EDC4: variants seen among roughly 807,000 people sequenced by gnomAD.
EDC4 encodes enhancer of mRNA decapping 4, also known as enhancer of mRNA-decapping protein 4.
A neutral mutation model predicts 155.8 loss-of-function variants in EDC4; 64 were observed. The ratio of observed to expected loss-of-function variants is 0.41; its 90% confidence interval spans 0.34 to 0.51. The LOEUF (loss-of-function observed/expected upper bound fraction) is 0.51, where lower values mean the gene tolerates loss of function less well. Among genes scored for constraint, EDC4 ranks in the 20% least tolerant of loss-of-function variants. The pLI is 0.19. For synonymous variants in EDC4, 684 were observed against 716.8 expected (o/e 0.95, Z 0.73); for missense variants, 1,303 against 1,812.5 (o/e 0.72, Z 5.10).
rs1375352437 is a variant in EDC4, at chr16:67,882,449, C to T, written c.3297C>T (p.Ala1099=). ...LKSKNLTDAI[A]RAAADTLQGP... ...CCCAGAACTTGACTGATGCCATCGCCCGAGCAGCTGCAGACACATTACAAG... is the reference window on the plus strand; with the variant it reads ...CCCAGAACTTGACTGATGCCATCGCTCGAGCAGCTGCAGACACATTACAAG... The change falls in exon 25 of 29, where the codon GCC becomes GCT. Residue 1099 remains alanine, a synonymous_variant. Transcript: ENST00000358933. This position sits in a 1 kb window ranked among gnomAD's most constrained non-coding sequence, Gnocchi z 7.2. 6.2e-7 allele frequency: 1 copy of T among 1,613,860 alleles called. No individual in the cohort carries two copies. The highest frequency in any genetic ancestry group is 1.3e-5 in the African/African-American group (1 of 75,040).
In EDC4 at chr16:67,882,662, C is replaced by T. The variant is rs376201219; in HGVS notation, c.3443-17C>T. The T allele has an allele frequency of 2.7e-5, 43 of 1,614,216 alleles. No individual in the cohort carries two copies. The African/African-American group carries it at 4.7e-4, about 18-fold the overall frequency. On this transcript the variant is annotated splice_polypyrimidine_tract_variant and intron_variant, in intron 25 of 28. Transcript: ENST00000358933. This position sits in a 1 kb window ranked among gnomAD's most constrained non-coding sequence, Gnocchi z 7.2. ...TTTCCTACTGTTCCTCTTATAGTCCCTGTGGTCACCCCTCAGACTTGCAGC... is the reference window on the plus strand; with the variant it reads ...TTTCCTACTGTTCCTCTTATAGTCCTTGTGGTCACCCCTCAGACTTGCAGC...
At position 67,877,016 on chromosome 16, in the gene EDC4, C is replaced by T. The variant is rs761825408; in HGVS notation, c.451+44C>T. The T allele has an allele frequency of 2.5e-6, 4 of 1,606,814 alleles. No homozygotes were observed. Among genetic ancestry groups the T allele is most frequent in the Non-Finnish European group, 3.4e-6 (4 of 1,176,048 alleles). ...GAGGAAGGAATGTTCTGCTGGATGT[C>T]CCACAGAGCCAGTTCCAACATCAGG... On this transcript the variant is annotated intron_variant, in intron 4 of 28. Coordinates refer to ENST00000358933, the MANE Select transcript of EDC4 (RefSeq NM_014329.5). This position sits in a 1 kb window ranked among gnomAD's most constrained non-coding sequence, Gnocchi z 4.9.
In EDC4 at chr16:67,881,396, G is replaced by C. The variant is rs1251949018; in HGVS notation, c.2768G>C (p.Arg923Thr). 1.2e-6 allele frequency: 2 copies of C among 1,614,160 alleles called. No individual in the cohort carries two copies. Reference sequence around the variant, plus strand: ...CCTCGAACCTCACCCAAGCTCAAGAGGAAAAGCAAGAAGGATGATGGGTAG... The same window carrying C: ...CCTCGAACCTCACCCAAGCTCAAGACGAAAAGCAAGAAGGATGATGGGTAG... ...GSPRTSPKLK[R>T]KSKKDDGDAA... The change falls in exon 20 of 29, where the codon AGG (arginine) becomes ACG (threonine). Residue 923 changes from arginine to threonine, a missense_variant. Transcript: ENST00000358933. This position sits in a 1 kb window ranked among gnomAD's most constrained non-coding sequence, Gnocchi z 5.4.
chr16:67,881,936 T>G lies in EDC4; in HGVS notation c.3005-18T>G, dbSNP rs1172509588. 1 of 1,604,502 alleles carries G rather than the reference T, an allele frequency of 6.2e-7. No homozygotes were observed. Among genetic ancestry groups the G allele is most frequent in the Non-Finnish European group, 8.5e-7 (1 of 1,173,718 alleles). Reference sequence around the variant, plus strand: ...AGTACACGACCTGCTCCAGGCCCGTTCCTTAGCTATGGCGCAGAGCGGCGG... The same window carrying G: ...AGTACACGACCTGCTCCAGGCCCGTGCCTTAGCTATGGCGCAGAGCGGCGG... On this transcript the variant is annotated intron_variant, in intron 22 of 28. Coordinates refer to ENST00000358933, the MANE Select transcript of EDC4 (RefSeq NM_014329.5). This position sits in a 1 kb window ranked among gnomAD's most constrained non-coding sequence, Gnocchi z 5.4.
rs529141006 is a variant in EDC4 at position 67,884,306 on chromosome 16, G to A, written c.*158G>A. 59 of 697,070 alleles carry A rather than the reference G, an allele frequency of 8.5e-5. No individual in the cohort carries two copies. Among genetic ancestry groups the A allele is most frequent in the Middle Eastern group, 4.1e-4 (1 of 2,462 alleles). 43.2% of individuals were successfully genotyped at this position (697,070 alleles called of 1,614,324 possible). On this transcript the variant is annotated 3_prime_UTR_variant, in exon 29 of 29. Coordinates refer to ENST00000358933, the MANE Select transcript of EDC4 (RefSeq NM_014329.5). This position sits in a 1 kb window ranked among gnomAD's most constrained non-coding sequence, Gnocchi z 4.1. Reference sequence around the variant, plus strand: ...GGGAGCACTGGCCGTGGTCTACAGCGTGTGGTAGTCAGAAGGTTTAGCTGG... The same window carrying A: ...GGGAGCACTGGCCGTGGTCTACAGCATGTGGTAGTCAGAAGGTTTAGCTGG...
Position 67,878,640 on chromosome 16 carries a change from T to G in EDC4, c.1184+9T>G. 1 of 1,614,160 alleles carries G rather than the reference T, an allele frequency of 6.2e-7. No individual in the cohort carries two copies. The highest frequency in any genetic ancestry group is 8.5e-7 in the Non-Finnish European group (1 of 1,180,024). On this transcript the variant is annotated intron_variant, in intron 10 of 28. Coordinates refer to ENST00000358933, the MANE Select transcript of EDC4 (RefSeq NM_014329.5). This position sits in a 1 kb window ranked among gnomAD's most constrained non-coding sequence, Gnocchi z 5.2. ...TGCCTGCAGACTATTCGGTAAGCAG[T>G]GGCTGGAAGGCTGGGGGACTGGGCA...
rs2058058230 is a variant in EDC4, at chr16:67,879,893, G to A, written c.1865G>A (p.Ser622Asn). 6.2e-7 allele frequency: 1 copy of A among 1,611,802 alleles called. No homozygotes were observed. The highest frequency in any genetic ancestry group is 1.7e-5 in the Admixed American group (1 of 59,942). ...AGCAGCAGCAGCGGTAGCAGCAGCA[G>A]CAGCAGCAGTAGCAGCAGCTCCCTT... Reference protein sequence around the residue: ...PSSSSSGSSSSSSSSSSSLTA... With the variant: ...PSSSSSGSSSNSSSSSSSLTA... Residue 622 changes from serine to asparagine, a missense_variant, in exon 16 of 29, where the codon AGC (serine) becomes AAC (asparagine). Transcript: ENST00000358933. The surrounding 1 kb of genome is among the most constrained non-coding windows in gnomAD (Gnocchi z 6.0).
At position 67,879,345 on chromosome 16, in the gene EDC4, G is replaced by A. The variant is rs374653491; in HGVS notation, c.1541+36G>A. On this transcript the variant is annotated intron_variant, in intron 13 of 28. Transcript: ENST00000358933. The surrounding 1 kb of genome is among the most constrained non-coding windows in gnomAD (Gnocchi z 6.0). The stretch of plus-strand genomic sequence containing the variant: ...GGGGAGGCCCGCCAGTGTCCTGTCT[G>A]TGTCTGTCTCCACTCTACTGACCCT... 107 of 1,614,102 alleles carry A rather than the reference G, an allele frequency of 6.6e-5. No homozygotes were observed. Among genetic ancestry groups the A allele is most frequent in the Non-Finnish European group, 8.4e-5 (99 of 1,180,054 alleles).
Position 67,876,165 on chromosome 16 carries a change from A to G in EDC4, c.239+64A>G. ...TTTGGGGTGTCTGCTAGCTGAAGGCATGAGATGGGGAGTGAGCGGGGCCAG... is the reference window on the plus strand; with the variant it reads ...TTTGGGGTGTCTGCTAGCTGAAGGCGTGAGATGGGGAGTGAGCGGGGCCAG... On this transcript the variant is annotated intron_variant, in intron 2 of 28. Transcript: ENST00000358933. This position sits in a 1 kb window ranked among gnomAD's most constrained non-coding sequence, Gnocchi z 5.8. 4 of 1,545,816 alleles carry G rather than the reference A, an allele frequency of 2.6e-6. No homozygotes were observed. Among genetic ancestry groups the G allele is most frequent in the South Asian group, 2.3e-5 (2 of 87,148 alleles).
chr16:67,880,129 T>C lies in EDC4; in HGVS notation c.2010T>C (p.Ser670=), dbSNP rs758792568. The change falls in exon 17 of 29, where the codon AGT becomes AGC. Residue 670 remains serine, a synonymous_variant. Coordinates refer to ENST00000358933, the MANE Select transcript of EDC4 (RefSeq NM_014329.5). The surrounding 1 kb of genome is among the most constrained non-coding windows in gnomAD (Gnocchi z 5.2). The part of the protein sequence containing the change: ...QLDGSLTMSS[S]GSLQASPRGL... ...ATGGCAGCCTGACAATGAGCAGCAGTGGCAGCCTTCAGGCAAGCCCGCGTG... is the reference window on the plus strand; with the variant it reads ...ATGGCAGCCTGACAATGAGCAGCAGCGGCAGCCTTCAGGCAAGCCCGCGTG... The C allele has an allele frequency of 3.1e-6, 5 of 1,612,912 alleles. No individual in the cohort carries two copies. In the African/African-American group the frequency reaches 6.7e-5, roughly 22 times the overall value.
rs368372680 is a variant in EDC4, at chr16:67,882,624, A to G, written c.3442+30A>G. 1.2e-6 allele frequency: 2 copies of G among 1,614,158 alleles called. No individual in the cohort carries two copies. The highest frequency in any genetic ancestry group is 1.7e-5 in the Admixed American group (1 of 60,014). ...GTGGGGTCATATGGCCCAAGGTGGG[A>G]GGGGTTATCCTCTTTCCTACTGTTC... On this transcript the variant is annotated intron_variant, in intron 25 of 28. Transcript: ENST00000358933. This position sits in a 1 kb window ranked among gnomAD's most constrained non-coding sequence, Gnocchi z 7.2.
rs2058075057 is a variant in EDC4 at position 67,882,881 on chromosome 16, A to G, written c.3629+16A>G. 1.2e-6 allele frequency: 2 copies of G among 1,614,176 alleles called. No individual in the cohort carries two copies. The highest frequency in any genetic ancestry group is 2.7e-5 in the African/African-American group (2 of 75,070). ...CTGTGGGCAGGTGTGTGGGCAGAGT[A>G]CTGGGCAAGGTGGTGGGCTTGAGAA... On this transcript the variant is annotated intron_variant, in intron 26 of 28. Coordinates refer to ENST00000358933, the MANE Select transcript of EDC4 (RefSeq NM_014329.5). The surrounding 1 kb of genome is among the most constrained non-coding windows in gnomAD (Gnocchi z 7.2).
At position 67,876,990 on chromosome 16, in the gene EDC4, G is replaced by A. The variant is rs1400549579; in HGVS notation, c.451+18G>A. On this transcript the variant is annotated intron_variant, in intron 4 of 28. Coordinates refer to ENST00000358933, the MANE Select transcript of EDC4 (RefSeq NM_014329.5). The surrounding 1 kb of genome is among the most constrained non-coding windows in gnomAD (Gnocchi z 5.8). ...CATTCGGGGTGAGTAAAGACAGTGA[G>A]GAGGAAGGAATGTTCTGCTGGATGT... 5 of 1,613,002 alleles carry A rather than the reference G, an allele frequency of 3.1e-6. No homozygotes were observed. Among genetic ancestry groups the A allele is most frequent in the Non-Finnish European group, 3.4e-6 (4 of 1,179,406 alleles).
At position 67,880,368 on chromosome 16, in the gene EDC4, C is replaced by T. The variant is rs1479069140; in HGVS notation, c.2097+152C>T. 5.1e-6 allele frequency: 7 copies of T among 1,366,810 alleles called. No individual in the cohort carries two copies. The highest frequency in any genetic ancestry group is 6.9e-6 in the Non-Finnish European group (7 of 1,014,978). The allele number at this position is 1,366,810 out of a possible 1,614,324, so 84.7% of individuals were successfully genotyped here. A position where few individuals can be genotyped will look rare whatever the true frequency, so the allele number is the denominator to read the frequency against. ...GAGGTCATTTCACCCTCCTGTGTTT[C>T]CTGGTGGGTGTCTCCTCAGCCTCCC... is the stretch of plus-strand genomic sequence containing the variant. On this transcript the variant is annotated intron_variant, in intron 17 of 28. Transcript: ENST00000358933. This position sits in a 1 kb window ranked among gnomAD's most constrained non-coding sequence, Gnocchi z 5.2.
In EDC4 at chr16:67,877,721, C is replaced by A; in HGVS notation, c.790-20C>A. On this transcript the variant is annotated intron_variant, in intron 6 of 28. Coordinates refer to ENST00000358933, the MANE Select transcript of EDC4 (RefSeq NM_014329.5). This position sits in a 1 kb window ranked among gnomAD's most constrained non-coding sequence, Gnocchi z 4.9. ...ATAGTGTGGGGTTGGGCTGCACACT[C>A]ACCTCCCTGTGCCTTCCAGGCTGAG... 1 of 1,614,148 alleles carries A rather than the reference C, an allele frequency of 6.2e-7. No individual in the cohort carries two copies. The highest frequency in any genetic ancestry group is 1.1e-5 in the South Asian group (1 of 91,088).
Position 67,883,803 on chromosome 16 carries a change from G to C in EDC4, c.4013+72G>C. ...CAGTGGGAGGGAGCAGTTTGAAGCTGACGCCCACTTCTGCCTGAATCCTCT... is the reference window on the plus strand; with the variant it reads ...CAGTGGGAGGGAGCAGTTTGAAGCTCACGCCCACTTCTGCCTGAATCCTCT... On this transcript the variant is annotated intron_variant, in intron 28 of 28. Coordinates refer to ENST00000358933, the MANE Select transcript of EDC4 (RefSeq NM_014329.5). This position sits in a 1 kb window ranked among gnomAD's most constrained non-coding sequence, Gnocchi z 5.3. 1 of 1,574,116 alleles carries C rather than the reference G, an allele frequency of 6.4e-7. No individual in the cohort carries two copies. Among genetic ancestry groups the C allele is most frequent in the East Asian group, 2.3e-5 (1 of 44,354 alleles).
At position 67,876,624 on chromosome 16, in the gene EDC4, A is replaced by G. The variant is rs1332067664; in HGVS notation, c.351+25A>G. 3.1e-6 allele frequency: 5 copies of G among 1,613,204 alleles called. No homozygotes were observed. The highest frequency in any genetic ancestry group is 4.2e-6 in the Non-Finnish European group (5 of 1,179,710). ...GGTAGGTACTGGGATGCTGTGGCAT[A>G]TATAATGTACGGGGGCACACCCAGC... On this transcript the variant is annotated intron_variant, in intron 3 of 28. Coordinates refer to ENST00000358933, the MANE Select transcript of EDC4 (RefSeq NM_014329.5). The surrounding 1 kb of genome is among the most constrained non-coding windows in gnomAD (Gnocchi z 5.8).
chr16:67,876,796 T>C lies in EDC4; in HGVS notation c.352-77T>C. On this transcript the variant is annotated intron_variant, in intron 3 of 28. Transcript: ENST00000358933. The surrounding 1 kb of genome is among the most constrained non-coding windows in gnomAD (Gnocchi z 5.8). ...GGTAGCTGGACTTGCATCTGTGTCC[T>C]CTCCCATCCCCAGGGATGTTGGGGG... 2 of 1,585,998 alleles carry C rather than the reference T, an allele frequency of 1.3e-6. No homozygotes were observed. The highest frequency in any genetic ancestry group is 8.6e-7 in the Non-Finnish European group (1 of 1,165,884).
chr16:67,882,205 C>T lies in EDC4; in HGVS notation c.3161-7C>T, dbSNP rs1261766392. The T allele has an allele frequency of 2.5e-6, 4 of 1,613,556 alleles. No homozygotes were observed. Among genetic ancestry groups the T allele is most frequent in the East Asian group, 2.2e-5 (1 of 44,874 alleles). The stretch of plus-strand genomic sequence containing the variant: ...TGGCTCCACCTCACCCTCTTCCCCT[C>T]TCCCAGGTGTCTCAAGGAGTCTGGA... On this transcript the variant is annotated splice_polypyrimidine_tract_variant and splice_region_variant and intron_variant, in intron 23 of 28. Coordinates refer to ENST00000358933, the MANE Select transcript of EDC4 (RefSeq NM_014329.5). The surrounding 1 kb of genome is among the most constrained non-coding windows in gnomAD (Gnocchi z 7.2).
Sources: gnomAD v4.1 joint callset for allele counts on GRCh38, gnomAD v4.1.1 for gene constraint, Gnocchi (gnomAD v3.1) non-coding constraint, MANE v1.5 for transcripts, NCBI Gene and HGNC (gene_info 2026-07-23, HGNC 2026-07-21) for gene names.